The following TENM3 variants were observed in gnomAD, a reference collection of about 807,000 sequenced individuals.
The protein encoded by TENM3 is teneurin transmembrane protein 3.
A neutral mutation model predicts 255.1 loss-of-function variants in TENM3; 63 were observed. That is an observed-to-expected ratio of 0.25 (90% CI 0.20 to 0.30). The LOEUF is 0.30. Among genes scored for constraint, TENM3 ranks in the 10% least tolerant of loss-of-function variants. The pLI, the probability that TENM3 is intolerant of heterozygous loss-of-function variation, is 1.00. For missense variants in TENM3, 2,929 were observed against 3,461.1 expected (o/e 0.85, Z 3.86); for synonymous variants, 1,306 against 1,322.3 (o/e 0.99, Z 0.27).
At chr4:181,625,835 C>T in the TENM3 span, among the ~76,000 whole-genome samples, 1,785 of 133,092 alleles carry the variant, frequency 0.013, 23 homozygotes, top group African/African-American at 0.032. Flanking sequence ...ATAATAATAA[C>T]AATAATAATA....
At position 182,783,107 on chromosome 4, in the gene TENM3, G is replaced by T. The variant is rs547072191; in HGVS notation, c.5305-5986G>T. ...ATTTGATCCTGTCATTATGATGTTA[G>T]CTGGTTATTTTGCTCGTTAGTTGAT... On this transcript the variant is annotated intron_variant, in intron 24 of 27. Coordinates refer to ENST00000511685, the MANE Select transcript of TENM3 (RefSeq NM_001080477.4). Among the ~76,000 whole-genome samples, 909 of 151,686 alleles carry T rather than the reference G, an allele frequency of 6.0e-3. 8 individuals carry two copies. The highest frequency in any genetic ancestry group is 0.021 in the African/African-American group (869 of 41,374).
At chr4:182,096,296 G>T in the TENM3 span, among the ~76,000 whole-genome samples, 1 of 152,088 alleles carries the variant, frequency 6.6e-6, no homozygotes, top group Non-Finnish European at 1.5e-5. Flanking sequence ...TCATTATAAT[G>T]CATTTAAAGC....
intron 3 of TENM3, among the ~76,000 whole-genome samples, chr4:182,373,004 T>C (rs1476896254): frequency 1.3e-5 from 2 of 152,118 alleles, no homozygotes; most frequent in Non-Finnish European, 2.9e-5. Context: ...CCTCCCAAAG[T>C]GCTGAGATTA....
At chr4:182,158,131 C>A (rs969263439) in intron 1 of TENM3, among the ~76,000 whole-genome samples, 5 of 152,300 alleles carry the variant, frequency 3.3e-5, no homozygotes, top group African/African-American at 1.2e-4. Flanking sequence ...CACACGCTTT[C>A]TCCAAAAGGA....
chr4:182,502,510 A>G (rs28503249), intron 3 of TENM3, among the ~76,000 whole-genome samples: 7,441 of 151,502 alleles, frequency 0.049, 260 homozygotes, highest in African/African-American at 0.09. Context: ...TCTCCTTTTC[A>G]AGTTTTCATT....
the TENM3 span, among the ~76,000 whole-genome samples, chr4:181,689,837 G>C: frequency 6.6e-6 from 1 of 152,028 alleles, no homozygotes; most frequent in Non-Finnish European, 1.5e-5. Flanking sequence ...CATGGAGGTC[G>C]GTTACGGATA....
At chr4:182,122,632 T>C in the TENM3 span, among the ~76,000 whole-genome samples, 1 of 152,306 alleles carries the variant, frequency 6.6e-6, no homozygotes, top group Non-Finnish European at 1.5e-5. Context: ...TGTGCTGTCA[T>C]CCAGGTTTTA....
chr4:182,647,853 C>G (rs1752891350), intron 5 of TENM3, among the ~76,000 whole-genome samples: 2 of 152,184 alleles, frequency 1.3e-5, no homozygotes, highest in Non-Finnish European at 2.9e-5. Context: ...GCCAACAGCA[C>G]ACAAGGGTTT....
the TENM3 span, among the ~76,000 whole-genome samples, chr4:182,049,810 A>G: frequency 2.0e-4 from 30 of 152,270 alleles, no homozygotes; most frequent in African/African-American, 6.3e-4. Context: ...GTGGCTATAC[A>G]CAAATATCTC....
chr4:181,938,383 T>G, the TENM3 span, among the ~76,000 whole-genome samples: 1 of 152,210 alleles, frequency 6.6e-6, no homozygotes, highest in Non-Finnish European at 1.5e-5. Flanking sequence ...TCCTTCAATT[T>G]TCTTATTTTA....
chr4:181,757,334 A>C, the TENM3 span, among the ~76,000 whole-genome samples: 6 of 152,160 alleles, frequency 3.9e-5, no homozygotes, highest in African/African-American at 1.4e-4. Context: ...CATAGGTTGC[A>C]GAGAATGACA....
chr4:181,678,837 T>C, the TENM3 span, among the ~76,000 whole-genome samples: 1 of 49,578 alleles, frequency 2.0e-5, no homozygotes, highest in Non-Finnish European at 4.7e-5. Flanking sequence ...AAGAATGTTT[T>C]AAACAAAAAA....
At chr4:181,616,771 A>G in the TENM3 span, among the ~76,000 whole-genome samples, 1 of 152,136 alleles carries the variant, frequency 6.6e-6, no homozygotes. Context: ...TGGGTGTCTC[A>G]GCTCCAGAAA....
the TENM3 span, among the ~76,000 whole-genome samples, chr4:181,790,540 A>G: frequency 6.6e-6 from 1 of 152,180 alleles, no homozygotes; most frequent in Admixed American, 6.5e-5. Flanking sequence ...TGTCTTTAAG[A>G]ATAGAAAAGA....
At chr4:181,462,288 G>C in the TENM3 span, among the ~76,000 whole-genome samples, 3 of 152,100 alleles carry the variant, frequency 2.0e-5, no homozygotes, top group Non-Finnish European at 2.9e-5. Context: ...TAAAGATCCA[G>C]GGGATGGGAC....
chr4:182,673,639 T>A (rs923423231), intron 7 of TENM3, among the ~76,000 whole-genome samples: 1 of 152,226 alleles, frequency 6.6e-6, no homozygotes, highest in African/African-American at 2.4e-5. Context: ...TTATGCCAGA[T>A]TTCCTCTTAG....
At chr4:181,722,678 ATATTT>A in the TENM3 span, among the ~76,000 whole-genome samples, 2 of 152,236 alleles carry the variant, frequency 1.3e-5, no homozygotes, top group Non-Finnish European at 2.9e-5. Flanking sequence ...TAATGTATAT[ATATTT>A]TATCTGTATA....
chr4:181,520,893 AATC>A, the TENM3 span, among the ~76,000 whole-genome samples: 1 of 152,200 alleles, frequency 6.6e-6, no homozygotes, highest in African/African-American at 2.4e-5. Flanking sequence ...ATTAAAAGTA[AATC>A]ATCAATCATC....
chr4:181,826,623 TA>T, the TENM3 span, among the ~76,000 whole-genome samples: 2 of 152,182 alleles, frequency 1.3e-5, no homozygotes, highest in Admixed American at 6.5e-5. Context: ...CAGAGGGGTT[TA>T]AAAGAGGAAA....
Sources: allele counts gnomAD v4.1 joint callset (sites outside exome capture counted in the v4.1 genomes callset), GRCh38; gene constraint gnomAD v4.1.1; transcripts MANE v1.5; gene names NCBI Gene and HGNC (gene_info 2026-07-23, HGNC 2026-07-21).